KIF13A: variants seen among roughly 807,000 people sequenced by gnomAD.
KIF13A encodes the protein kinesin-like protein KIF13A.
A neutral mutation model predicts 212.2 loss-of-function variants in KIF13A; 79 were observed. That is an observed-to-expected ratio of 0.37 (90% CI 0.31 to 0.45). KIF13A has a LOEUF of 0.45. KIF13A is among the 20% of genes least tolerant of loss of function. The pLI is 1.00. For missense variants in KIF13A, 1,901 were observed against 2,209.0 expected (o/e 0.86, Z 2.79); for synonymous variants, 789 against 808.6 (o/e 0.98, Z 0.41).
rs937925492 is a variant in KIF13A at position 17,871,226 on chromosome 6, G to A, written c.220+2151C>T. Among the ~76,000 whole-genome samples the A allele has an allele frequency of 2.0e-5, 3 of 152,170 alleles. No individual in the cohort carries two copies. Among genetic ancestry groups the A allele is most frequent in the African/African-American group, 4.8e-5 (2 of 41,444 alleles). On this transcript the variant is annotated intron_variant, in intron 4 of 38. Transcript: ENST00000259711. This position sits in a 1 kb window ranked among gnomAD's most constrained non-coding sequence, Gnocchi z 4.4. ...CCCTTGTGGAATGGCTGAATCAGGC[G>A]ATTTAATGTATGTGTTGTCTCAAAT...
At chr6:17,956,604 T>C (rs1290855919) in intron 2 of KIF13A, among the ~76,000 whole-genome samples, 1 of 152,240 alleles carries the variant, frequency 6.6e-6, no homozygotes, top group Non-Finnish European at 1.5e-5. Context: ...GGTTCCTGGC[T>C]CATAACTCCC....
rs2150377365 is a variant in KIF13A at position 17,834,968 on chromosome 6, G to A, written c.1156-897C>T. ...AACAGTTTGGGAGGCTGAGGTGGGT[G>A]AATCACTTGAGACCAGCCTGGCTAA... is the stretch of plus-strand genomic sequence containing the variant. On this transcript the variant is annotated intron_variant, in intron 11 of 38. Coordinates refer to ENST00000259711, the MANE Select transcript of KIF13A (RefSeq NM_022113.6). This position sits in a 1 kb window ranked among gnomAD's most constrained non-coding sequence, Gnocchi z 4.0. 6.6e-6 allele frequency among the ~76,000 whole-genome samples: 1 copy of A among 152,022 alleles called. No homozygotes were observed. Among genetic ancestry groups the A allele is most frequent in the East Asian group, 1.9e-4 (1 of 5,156 alleles).
Position 17,837,154 on chromosome 6 carries a change from C to A in KIF13A, c.943-64G>T. 1 of 1,355,348 alleles carries A rather than the reference C, an allele frequency of 7.4e-7. No homozygotes were observed. The highest frequency in any genetic ancestry group is 1.2e-5 in the South Asian group (1 of 83,378). The allele number at this position is 1,355,348 out of a possible 1,614,324, so 84.0% of individuals were successfully genotyped here. Reference sequence around the variant, plus strand: ...CCATGGACAACACATATGATAAAAGCACTAAATGTGTTAGGTATGACATTA... The same window carrying A: ...CCATGGACAACACATATGATAAAAGAACTAAATGTGTTAGGTATGACATTA... On this transcript the variant is annotated intron_variant, in intron 10 of 38. Coordinates refer to ENST00000259711, the MANE Select transcript of KIF13A (RefSeq NM_022113.6). The surrounding 1 kb of genome is among the most constrained non-coding windows in gnomAD (Gnocchi z 5.4).
At position 17,816,747 on chromosome 6, in the gene KIF13A, A is replaced by C. The variant is rs756452753; in HGVS notation, c.2000+273T>G. Among the ~76,000 whole-genome samples the C allele has an allele frequency of 1.3e-4, 20 of 152,380 alleles. No homozygotes were observed. The highest frequency in any genetic ancestry group is 2.2e-4 in the Non-Finnish European group (15 of 68,036). ...AAATTATTCAAACTTTCTAAATTTC[A>C]ATACATACCTGTCTAACCCTTGCAA... On this transcript the variant is annotated intron_variant, in intron 17 of 38. Transcript: ENST00000259711. The surrounding 1 kb of genome is among the most constrained non-coding windows in gnomAD (Gnocchi z 4.3).
intron 2 of KIF13A, among the ~76,000 whole-genome samples, chr6:17,932,711 G>A (rs1283530347): frequency 6.6e-6 from 1 of 151,942 alleles, no homozygotes; most frequent in Non-Finnish European, 1.5e-5. Flanking sequence ...GAAACGCTAT[G>A]CAAGCTCCTA....
intron 2 of KIF13A, among the ~76,000 whole-genome samples, chr6:17,976,144 G>C (rs563654318): frequency 1.3e-5 from 2 of 152,218 alleles, no homozygotes; most frequent in African/African-American, 4.8e-5. Context: ...AGTGGATCCC[G>C]CACCGGGGCT....
intron 2 of KIF13A, among the ~76,000 whole-genome samples, chr6:17,932,727 T>C (rs1452552406): frequency 2.6e-5 from 4 of 151,892 alleles, no homozygotes; most frequent in Non-Finnish European, 5.9e-5. Context: ...TCCTACAGCT[T>C]GTATGCAGGC....
intron 2 of KIF13A, among the ~76,000 whole-genome samples, chr6:17,964,352 C>A (rs1779115652): frequency 6.6e-6 from 1 of 152,158 alleles, no homozygotes; most frequent in Non-Finnish European, 1.5e-5. Context: ...TGTGATCATT[C>A]ACTGGCCTAA....
rs9358140 is a variant in KIF13A, at chr6:17,804,503, C to T, written c.2312G>A (p.Arg771Lys). 5 of 1,595,100 alleles carry T rather than the reference C, an allele frequency of 3.1e-6. No individual in the cohort carries two copies. In the South Asian group the frequency reaches 5.7e-5, roughly 18 times the overall value. ...EWKEKVPEAK[R>K]LYGKRGDPFY... ...AGGGTCACCTCGTTTTCCGTAGAGT[C>T]TCTTTGCCTGAGAAGTAGGAGGGGC... is the stretch of plus-strand genomic sequence containing the variant. The change falls in exon 20 of 39, where the codon AGA (arginine) becomes AAA (lysine). Residue 771 changes from arginine (R) to lysine (K), a missense_variant. Around this residue, in one of 5 missense-constraint regions of KIF13A, gnomAD observed 534 missense variants for 536.9 expected, o/e 0.99. Transcript: ENST00000259711.
At chr6:17,760,251 CAA>C (rs748567151), downstream of KIF13A, 1 of 152,110 alleles carries the variant, frequency 6.6e-6, no homozygotes, top group Non-Finnish European at 1.5e-5. Context: ...ACCTTTTCTG[CAA>C]AGAGGGATTT....
At chr6:17,978,160 CCT>C in intron 2 of KIF13A, among the ~76,000 whole-genome samples, 1 of 152,310 alleles carries the variant, frequency 6.6e-6, no homozygotes, top group East Asian at 1.9e-4. Context: ...GGAGGATTCT[CCT>C]CTCTACTTTT....
intron 2 of KIF13A, among the ~76,000 whole-genome samples, chr6:17,953,103 A>C (rs538100514): frequency 5.9e-5 from 9 of 152,202 alleles, no homozygotes; most frequent in Non-Finnish European, 1.0e-4. Context: ...TCATTAGGGG[A>C]TTAAGCAAAG....
intron 2 of KIF13A, among the ~76,000 whole-genome samples, chr6:17,930,768 C>CTTCTAACAGAAA (rs1775917589): frequency 6.6e-6 from 1 of 152,182 alleles, no homozygotes; most frequent in South Asian, 2.1e-4. Context: ...GATTTTAACA[C>CTTCTAACAGAAA]GCTTCTAACA....
At chr6:17,929,538 C>A (rs1016372997) in intron 2 of KIF13A, among the ~76,000 whole-genome samples, 3 of 151,626 alleles carry the variant, frequency 2.0e-5, no homozygotes, top group African/African-American at 7.3e-5. Context: ...GTAGCTGGGA[C>A]TACAGGCGCC....
rs1194231703 is a variant in KIF13A, at chr6:17,789,586, C to A, written c.3261+286G>T. On this transcript the variant is annotated intron_variant, in intron 26 of 38. Transcript: ENST00000259711. The surrounding 1 kb of genome is among the most constrained non-coding windows in gnomAD (Gnocchi z 4.8). ...TTTTATTATTACTCAAATCAGTCTCCAGATCATCCATTTTAATACAGTGAT... is the reference window on the plus strand; with the variant it reads ...TTTTATTATTACTCAAATCAGTCTCAAGATCATCCATTTTAATACAGTGAT... Among the ~76,000 whole-genome samples the A allele has an allele frequency of 6.6e-6, 1 of 151,926 alleles. No homozygotes were observed. Among genetic ancestry groups the A allele is most frequent in the Non-Finnish European group, 1.5e-5 (1 of 68,000 alleles).
Position 17,794,088 on chromosome 6 carries a change from A to G in KIF13A, c.3222+161T>C, listed in dbSNP as rs1581944267. 6.6e-6 allele frequency among the ~76,000 whole-genome samples: 1 copy of G among 152,252 alleles called. No homozygotes were observed. Among genetic ancestry groups the G allele is most frequent in the East Asian group, 1.9e-4 (1 of 5,202 alleles). On this transcript the variant is annotated intron_variant, in intron 25 of 38. Transcript: ENST00000259711. The surrounding 1 kb of genome is among the most constrained non-coding windows in gnomAD (Gnocchi z 4.1). ...AAATTATTATTAACTGACACTAAGC[A>G]AACAGATTTTAAAGCTAGAAAAAAG...
intron 23 of KIF13A, 104 bp downstream of exon 23, chr6:17,796,565 A>C: frequency 1.9e-6 from 1 of 521,312 alleles, no homozygotes; most frequent in Non-Finnish European, 2.9e-6. Context: ...TTTTTAAATG[A>C]TTTTATTTTT....
chr6:17,855,375 C>A lies in KIF13A; in HGVS notation c.494+62G>T. ...TACGTATATTCACTTCCAATTTTAA[C>A]TTTAGAATCATTTAAAATTATCTCC... On this transcript the variant is annotated intron_variant, in intron 6 of 38. Coordinates refer to ENST00000259711, the MANE Select transcript of KIF13A (RefSeq NM_022113.6). This position sits in a 1 kb window ranked among gnomAD's most constrained non-coding sequence, Gnocchi z 4.1. 1.6e-6 allele frequency: 2 copies of A among 1,281,696 alleles called. No homozygotes were observed. Among genetic ancestry groups the A allele is most frequent in the Non-Finnish European group, 2.2e-6 (2 of 920,322 alleles). The allele number at this position is 1,281,696 out of a possible 1,614,324, so 79.4% of individuals were successfully genotyped here. A position where few individuals can be genotyped will look rare whatever the true frequency, so the allele number is the denominator to read the frequency against.
At position 17,808,771 on chromosome 6, in the gene KIF13A, C is replaced by T. The variant is rs1354967555; in HGVS notation, c.2160G>A (p.Arg720=). Residue 720 remains arginine, a synonymous_variant, in exon 18 of 39, where the codon AGG becomes AGA. Transcript: ENST00000259711. Reference sequence around the variant, plus strand: ...CTCACTTGAAGGACATTCTTACCTTCCTATTGGCACTGAGGTTTGCAGCAG... The same window carrying T: ...CTCACTTGAAGGACATTCTTACCTTTCTATTGGCACTGAGGTTTGCAGCAG... ...QIPAANLSAN[R]KRGAIVSEPA... 4 of 1,610,674 alleles carry T rather than the reference C, an allele frequency of 2.5e-6. No individual in the cohort carries two copies. The highest frequency in any genetic ancestry group is 3.4e-5 in the Admixed American group (2 of 59,280).
Sources: gnomAD v4.1 joint callset for allele counts (sites outside exome capture counted in the v4.1 genomes callset) on GRCh38, gnomAD v4.1.1 for gene constraint, gnomAD v4.1.1 regional missense constraint, Gnocchi (gnomAD v3.1) non-coding constraint, MANE v1.5 for transcripts, NCBI Gene and HGNC (gene_info 2026-07-23, HGNC 2026-07-21) for gene names.